NBAS: variants seen among roughly 807,000 people sequenced by gnomAD.
NBAS encodes NBAS subunit of NRZ tethering complex, also known as NAG/BC035112 fusion.
Under a neutral mutation model 302.5 loss-of-function variants are expected in NBAS, and 219 were observed. The ratio of observed to expected loss-of-function variants is 0.72; its 90% CI spans 0.65 to 0.81. NBAS has a LOEUF of 0.81. Among genes scored for constraint, NBAS ranks in the 30% least tolerant of loss-of-function variants. The pLI, the probability that NBAS is intolerant of heterozygous loss-of-function variation, is 0.00. For synonymous variants in NBAS, 1,118 were observed against 1,021.6 expected, an observed-to-expected ratio of 1.09 and a Z score of -1.80; for missense variants, 2,932 against 2,841.6, an observed-to-expected ratio of 1.03 and a Z score of -0.72.
the NBAS span, among the ~76,000 whole-genome samples, chr2:14,873,229 C>G: frequency 6.6e-6 from 1 of 150,566 alleles, no homozygotes. Flanking sequence ...CATTTACAAA[C>G]CTTTAGCTAG....
intron 21 of NBAS, among the ~76,000 whole-genome samples, chr2:15,429,933 T>C (rs1677677612): frequency 6.6e-6 from 1 of 152,094 alleles, no homozygotes. Flanking sequence ...AAAGATAACA[T>C]CTGGATACAA....
At chr2:15,266,525 A>G (rs747499401) in intron 44 of NBAS, among the ~76,000 whole-genome samples, 34 of 152,190 alleles carry the variant, frequency 2.2e-4, no homozygotes, top group Non-Finnish European at 4.3e-4. Context: ...TTCCACCTGG[A>G]TTCCAGGTCT....
At chr2:14,845,912 G>GA in the NBAS span, among the ~76,000 whole-genome samples, 7,907 of 151,462 alleles carry the variant, frequency 0.052, 692 homozygotes, top group African/African-American at 0.18. Flanking sequence ...CTACAAGATT[G>GA]AAAAAAAATA....
intron 41 of NBAS, among the ~76,000 whole-genome samples, chr2:15,289,627 C>A (rs1481069369): frequency 6.6e-6 from 1 of 152,090 alleles, no homozygotes; most frequent in Non-Finnish European, 1.5e-5. Flanking sequence ...CCTGCCTGAC[C>A]CCTGAGAATG....
At chr2:15,176,496 T>C (rs187986319) in intron 51 of NBAS, among the ~76,000 whole-genome samples, 55 of 152,148 alleles carry the variant, frequency 3.6e-4, no homozygotes, top group African/African-American at 1.3e-3. Context: ...CTCAAGAGTG[T>C]CTGCAAAACT....
chr2:15,524,360 AG>A (rs745831279), intron 9 of NBAS, among the ~76,000 whole-genome samples: 1 of 152,190 alleles, frequency 6.6e-6, no homozygotes, highest in African/African-American at 2.4e-5. Context: ...GGTTTTGCAA[AG>A]GCAGATGTTC....
intron 40 of NBAS, among the ~76,000 whole-genome samples, chr2:15,299,414 G>A (rs891003813): frequency 2.6e-5 from 4 of 152,122 alleles, no homozygotes. Context: ...CTTACTACTA[G>A]AGGTAATAAA....
chr2:14,836,511 T>C, the NBAS span, among the ~76,000 whole-genome samples: 4 of 151,936 alleles, frequency 2.6e-5, no homozygotes. Flanking sequence ...GGATATCCAA[T>C]CGTTGCAGCA....
the NBAS span, among the ~76,000 whole-genome samples, chr2:14,887,685 A>G: frequency 6.6e-6 from 1 of 152,006 alleles, no homozygotes; most frequent in Non-Finnish European, 1.5e-5. Flanking sequence ...CCCTCCCCAC[A>G]AGTCTAAGCC....
chr2:14,961,266 T>A, the NBAS span, among the ~76,000 whole-genome samples: 1 of 152,124 alleles, frequency 6.6e-6, no homozygotes, highest in Non-Finnish European at 1.5e-5. Flanking sequence ...GCTTGAACAT[T>A]TGTCTACTCC....
intron 38 of NBAS, among the ~76,000 whole-genome samples, chr2:15,322,157 A>G (rs536406825): frequency 7.3e-6 from 1 of 136,534 alleles, no homozygotes; most frequent in East Asian, 2.4e-4. Flanking sequence ...CAAACACCAC[A>G]TGTTCTTACT....
chr2:14,817,843 G>A, the NBAS span, among the ~76,000 whole-genome samples: 4 of 152,008 alleles, frequency 2.6e-5, no homozygotes, highest in Non-Finnish European at 5.9e-5. Context: ...TTCCCAACTT[G>A]GAATCTCCAT....
At chr2:15,298,220 T>C (rs1192010552) in intron 40 of NBAS, among the ~76,000 whole-genome samples, 1 of 152,178 alleles carries the variant, frequency 6.6e-6, no homozygotes, top group African/African-American at 2.4e-5. Flanking sequence ...GGAAATTCTA[T>C]TAATTTTTTG....
In NBAS at chr2:15,316,881, C is replaced by A. The variant is rs558902275; in HGVS notation, c.4583-7634G>T. 8.5e-5 allele frequency among the ~76,000 whole-genome samples: 13 copies of A among 152,280 alleles called. No individual in the cohort carries two copies. In the South Asian group the frequency reaches 1.0e-3, roughly 12 times the overall value. ...GCTCTGAAGAGAGCAGTGGTTCTCC[C>A]AGCATAGCGTTTGAGCTCTGAGAAA... On this transcript the variant is annotated intron_variant, in intron 38 of 51. Coordinates refer to ENST00000281513, the MANE Select transcript of NBAS (RefSeq NM_015909.4).
chr2:15,283,681 T>C (rs747395414), intron 42 of NBAS, among the ~76,000 whole-genome samples: 13 of 152,118 alleles, frequency 8.5e-5, no homozygotes, highest in Non-Finnish European at 1.8e-4. Flanking sequence ...TAATACAAAT[T>C]TAAAAGAGCC....
At chr2:15,298,704 A>C (rs1010551276) in intron 40 of NBAS, among the ~76,000 whole-genome samples, 6 of 152,196 alleles carry the variant, frequency 3.9e-5, no homozygotes, top group African/African-American at 1.4e-4. Flanking sequence ...ATTCCAAAGC[A>C]TCTCCTACTC....
chr2:15,327,975 A>C, intron 37 of NBAS, 105 bp from the exon 38 acceptor site: 1 of 1,457,128 alleles, frequency 6.9e-7, no homozygotes, highest in South Asian at 1.2e-5. Context: ...TGACTTGAAT[A>C]ATAACTGCTC....
chr2:15,525,226 G>A (rs902014263), intron 9 of NBAS, among the ~76,000 whole-genome samples: 1 of 152,164 alleles, frequency 6.6e-6, no homozygotes, highest in African/African-American at 2.4e-5. Context: ...TGCCTGCCAG[G>A]TATCCCTGAC....
intron 22 of NBAS, among the ~76,000 whole-genome samples, chr2:15,427,041 G>C (rs550519104): frequency 6.6e-6 from 1 of 152,204 alleles, no homozygotes; most frequent in African/African-American, 2.4e-5. Context: ...TAAATGCCCA[G>C]ATTTTCAAAC....
Sources: gnomAD v4.1 joint callset for allele counts (sites outside exome capture counted in the v4.1 genomes callset) on GRCh38, gnomAD v4.1.1 for gene constraint, MANE v1.5 for transcripts, NCBI Gene and HGNC (gene_info 2026-07-23, HGNC 2026-07-21) for gene names.